The following TAFA5 variants were observed in gnomAD, a reference collection of about 807,000 sequenced individuals.
TAFA5 encodes the protein chemokine-like protein TAFA-5.
In TAFA5, 6 loss-of-function variants were observed where a neutral mutation model predicts 15.3. The observed-to-expected ratio is 0.39, with a 90% confidence interval of 0.21 to 0.77. The LOEUF (loss-of-function observed/expected upper bound fraction) is 0.77, where lower values mean the gene tolerates loss of function less well. Ranked by LOEUF, TAFA5 falls within the 30% of genes least tolerant of loss-of-function variation. The pLI is 0.41. For missense variants in TAFA5, 161 were observed against 193.1 expected (o/e 0.83, Z 0.98); for synonymous variants, 103 against 80.7 (o/e 1.28, Z -1.48).
At chr22:48,693,380 A>G in intron 2 of TAFA5, 1 of 1,612,656 alleles carries the variant, frequency 6.2e-7, no homozygotes, top group Non-Finnish European at 8.5e-7. Context: ...GGGAATGGCC[A>G]GGTGAGTCGG....
chr22:48,542,138 T>TGTGTGTGTGTGTGTGTG (rs1491557476), intron 1 of TAFA5, among the ~76,000 whole-genome samples: 20 of 128,706 alleles, frequency 1.6e-4, no homozygotes, highest in African/African-American at 5.1e-4. Flanking sequence ...GTGATGTGTA[T>TGTGTGTGTGTGTGTGTG]GTGTGTGTGT....
intron 1 of TAFA5, among the ~76,000 whole-genome samples, chr22:48,607,166 T>G (rs28444469): frequency 0.12 from 17,320 of 147,964 alleles, 1,302 homozygotes; most frequent in African/African-American, 0.15. Flanking sequence ...CCTGGAACAG[T>G]TCTATCCTGG....
At chr22:48,581,098 T>C (rs1924022919) in intron 1 of TAFA5, among the ~76,000 whole-genome samples, 3 of 152,344 alleles carry the variant, frequency 2.0e-5, no homozygotes, top group Admixed American at 2.0e-4. Context: ...TTACTATCAT[T>C]TCTTGTGTGA....
At chr22:48,505,180 G>C (rs772778031) in intron 1 of TAFA5, among the ~76,000 whole-genome samples, 3 of 152,206 alleles carry the variant, frequency 2.0e-5, no homozygotes, top group Non-Finnish European at 4.4e-5. Flanking sequence ...CCTTAGTCCT[G>C]TCTGCTCTTC....
intron 1 of TAFA5, among the ~76,000 whole-genome samples, chr22:48,502,859 T>G (rs1188043437): frequency 6.6e-6 from 1 of 152,200 alleles, no homozygotes; most frequent in East Asian, 1.9e-4. Flanking sequence ...ACACTTTTGC[T>G]GTGCTTTCAA....
In TAFA5 at chr22:48,656,370, G is replaced by T. The variant is rs562932234; in HGVS notation, c.262+9624G>T. On this transcript the variant is annotated intron_variant, in intron 2 of 3. Coordinates refer to ENST00000402357, the MANE Select transcript of TAFA5 (RefSeq NM_001082967.3). Reference sequence around the variant, plus strand: ...AAATACAAAAAATGAGCTGGCTGTGGTGGCAGGTGCCTGTAGTCTTAGCTA... The same window carrying T: ...AAATACAAAAAATGAGCTGGCTGTGTTGGCAGGTGCCTGTAGTCTTAGCTA... Among the ~76,000 whole-genome samples the T allele has an allele frequency of 2.0e-4, 30 of 152,152 alleles. No homozygotes were observed. In the East Asian group the frequency reaches 5.9e-3, roughly 30 times the overall value.
intron 2 of TAFA5, among the ~76,000 whole-genome samples, chr22:48,677,909 C>G (rs1271969456): frequency 6.6e-6 from 1 of 152,058 alleles, no homozygotes; most frequent in Non-Finnish European, 1.5e-5. Flanking sequence ...CTGGAGGCAG[C>G]CCTGCCTGAT....
At chr22:48,527,803 G>A (rs533331760) in intron 1 of TAFA5, among the ~76,000 whole-genome samples, 6 of 152,332 alleles carry the variant, frequency 3.9e-5, no homozygotes, top group African/African-American at 1.4e-4. Context: ...GATGGTGGCC[G>A]GGAGGTCAGA....
intron 2 of TAFA5, among the ~76,000 whole-genome samples, chr22:48,705,712 C>T (rs774460175): frequency 6.6e-6 from 1 of 152,248 alleles, no homozygotes; most frequent in East Asian, 1.9e-4. Flanking sequence ...TACCTGGAGC[C>T]GTGTGCAGCA....
intron 2 of TAFA5, among the ~76,000 whole-genome samples, chr22:48,702,918 G>A (rs1285909297): frequency 6.6e-6 from 1 of 152,252 alleles, no homozygotes; most frequent in Non-Finnish European, 1.5e-5. Flanking sequence ...TGTGCTCAGG[G>A]CCGGCCCGCT....
At chr22:48,643,904 A>C (rs1926771529) in intron 1 of TAFA5, among the ~76,000 whole-genome samples, 1 of 152,220 alleles carries the variant, frequency 6.6e-6, no homozygotes, top group African/African-American at 2.4e-5. Flanking sequence ...CCCAGAGCCA[A>C]CCTGCAGAGC....
chr22:48,695,025 C>G (rs1928667409), intron 2 of TAFA5, among the ~76,000 whole-genome samples: 1 of 151,930 alleles, frequency 6.6e-6, no homozygotes, highest in Non-Finnish European at 1.5e-5. Context: ...TCCTCAGTGC[C>G]TGTGTCAGGA....
In TAFA5 at chr22:48,576,048, C is replaced by CG. The variant is rs935982930; in HGVS notation, c.113-70549_113-70548insG. 1.8e-5 allele frequency among the ~76,000 whole-genome samples: 2 copies of CG among 112,632 alleles called. 1 individual carries two copies. The highest frequency in any genetic ancestry group is 7.3e-5 in the African/African-American group (2 of 27,416). The allele number at this position is 112,632 out of a possible 152,430, so 73.9% of individuals were successfully genotyped here. On this transcript the variant is annotated intron_variant, in intron 1 of 3. Transcript: ENST00000402357. ...GCCGGGGCCGCGCCGGACCCCCCCC[C>CG]CCCCCGCGCCGCCCGGCCGTTGCGC...
chr22:48,515,489 C>T (rs1486385458), intron 1 of TAFA5, among the ~76,000 whole-genome samples: 3 of 152,148 alleles, frequency 2.0e-5, no homozygotes, highest in African/African-American at 4.8e-5. Context: ...CCACAGGGAC[C>T]TCAACTCCTC....
intron 2 of TAFA5, among the ~76,000 whole-genome samples, chr22:48,693,966 G>T (rs371721106): frequency 2.0e-5 from 3 of 152,164 alleles, no homozygotes; most frequent in East Asian, 3.9e-4. Flanking sequence ...TTCTGTAGAC[G>T]ATTCAGCATC....
intron 2 of TAFA5, among the ~76,000 whole-genome samples, chr22:48,706,271 C>A (rs746390293): frequency 9.9e-5 from 15 of 152,222 alleles, no homozygotes; most frequent in South Asian, 4.1e-4. Flanking sequence ...GCGTGCATTG[C>A]CCACATCCAA....
Position 48,751,051 on chromosome 22 carries a change from G to A in TAFA5, c.*1204G>A, listed in dbSNP as rs888286206. 1 of 152,342 alleles carries A rather than the reference G, an allele frequency of 6.6e-6. No homozygotes were observed. Among genetic ancestry groups the A allele is most frequent in the Non-Finnish European group, 1.5e-5 (1 of 68,072 alleles). The allele number at this position is 152,342 out of a possible 1,614,324, so 9.4% of individuals were successfully genotyped here. ...CGGAGGACCGTGGCGTCGGCGTCCC[G>A]GATGTGTCGGTCGTGCCCGGGGAGG... On this transcript the variant is annotated 3_prime_UTR_variant, in exon 4 of 4. Coordinates refer to ENST00000402357, the MANE Select transcript of TAFA5 (RefSeq NM_001082967.3).
intron 1 of TAFA5, among the ~76,000 whole-genome samples, chr22:48,640,352 G>A (rs1040578253): frequency 5.3e-5 from 8 of 152,202 alleles, no homozygotes; most frequent in Non-Finnish European, 1.2e-4. Context: ...CCTGCATGCC[G>A]ATGAGGGACA....
intron 3 of TAFA5, among the ~76,000 whole-genome samples, chr22:48,720,602 T>A (rs1929540158): frequency 6.6e-6 from 1 of 152,116 alleles, no homozygotes; most frequent in Non-Finnish European, 1.5e-5. Flanking sequence ...GGGACCATCC[T>A]CCGGCTATGC....
Sources: allele counts gnomAD v4.1 joint callset (sites outside exome capture counted in the v4.1 genomes callset), GRCh38; gene constraint gnomAD v4.1.1; transcripts MANE v1.5; gene names NCBI Gene and HGNC (gene_info 2026-07-23, HGNC 2026-07-21).